The following ATG4A variants were observed in gnomAD, a reference collection of about 807,000 sequenced individuals.
The protein encoded by ATG4A is cysteine protease ATG4A.
In ATG4A, 22 loss-of-function variants were observed where a neutral mutation model predicts 38.4. The observed-to-expected ratio is 0.57, with a 90% CI of 0.41 to 0.82. The LOEUF (loss-of-function observed/expected upper bound fraction) is 0.82. Ranked by LOEUF, ATG4A falls within the 40% of genes least tolerant of loss-of-function variation. The probability of loss-of-function intolerance (pLI) is 0.00; values close to 1 mark genes in which losing one functional copy is unlikely to be tolerated. For synonymous variants in ATG4A, 86 were observed against 100.7 expected (o/e 0.85, Z 0.88); for missense variants, 220 against 290.0 (o/e 0.76, Z 1.75).
chrX:108,091,841 G>A lies in ATG4A; in HGVS notation c.10+5G>A, dbSNP rs749859498. On this transcript the variant is annotated splice_donor_5th_base_variant and intron_variant, in intron 1 of 12. Coordinates refer to ENST00000372232, the MANE Select transcript of ATG4A (RefSeq NM_052936.5). ...ACAGCTGGAGAATGGAGTCAGGTACGGGGAGCGGCTTTGAGTGGAACCGTG... is the reference window on the plus strand; with the variant it reads ...ACAGCTGGAGAATGGAGTCAGGTACAGGGAGCGGCTTTGAGTGGAACCGTG... 8.3e-7 allele frequency: 1 copy of A among 1,209,706 alleles called. No individual in the cohort carries two copies. Among genetic ancestry groups the A allele is most frequent in the Admixed American group, 2.2e-5 (1 of 45,791 alleles).
rs111960707 is a variant in ATG4A at position 108,113,591 on chromosome X, A to G, written c.11-12486A>G. On this transcript the variant is annotated intron_variant, in intron 1 of 12. Transcript: ENST00000372232. The stretch of plus-strand genomic sequence containing the variant: ...TTAGTCTGTTTTCATGCTGCTGATA[A>G]AGACATACCCGAGACTGCGAAGAAA... 1.5e-4 allele frequency among the ~76,000 whole-genome samples: 17 copies of G among 111,503 alleles called. No individual in the cohort carries two copies. In the East Asian group the frequency reaches 4.8e-3, roughly 31 times the overall value.
At chrX:108,147,979 T>C (rs1199858731) in intron 9 of ATG4A, among the ~76,000 whole-genome samples, 4 of 96,313 alleles carry the variant, frequency 4.2e-5, no homozygotes, top group African/African-American at 1.5e-4. Context: ...TACCAAAATC[T>C]GTATCAGTCA....
At chrX:108,128,675 A>ATGGT in intron 2 of ATG4A, 106 bp from the exon 3 acceptor site, 1 of 189,983 alleles carries the variant, frequency 5.3e-6, no homozygotes, top group Non-Finnish European at 1.0e-5. Context: ...GCCCCATAAT[A>ATGGT]ATGGAATTGA....
chrX:108,140,621 A>ATG (rs2033216002), intron 9 of ATG4A, among the ~76,000 whole-genome samples: 1 of 104,655 alleles, frequency 9.6e-6, no homozygotes, highest in African/African-American at 3.4e-5. Flanking sequence ...ATATATATAT[A>ATG]AAATGTATTA....
chrX:108,134,695 G>A (rs1351181055), intron 6 of ATG4A, among the ~76,000 whole-genome samples: 3 of 111,945 alleles, frequency 2.7e-5, no homozygotes, highest in Non-Finnish European at 5.6e-5. Context: ...TCATGTGCCT[G>A]GGAGCCATTG....
upstream of ATG4A, among the ~76,000 whole-genome samples, chrX:108,089,561 C>T (rs1290022343): frequency 1.8e-5 from 2 of 112,126 alleles, no homozygotes; most frequent in Non-Finnish European, 3.8e-5. Flanking sequence ...TGGCCGGGTG[C>T]GGTGGTTCAC....
intron 1 of ATG4A, among the ~76,000 whole-genome samples, chrX:108,108,601 A>T (rs1287254722): frequency 9.0e-6 from 1 of 110,991 alleles, no homozygotes; most frequent in Non-Finnish European, 1.9e-5. Flanking sequence ...GCTTTTTTTT[A>T]AATTGTGGTG....
chrX:108,109,115 C>A (rs1447430754), intron 1 of ATG4A, among the ~76,000 whole-genome samples: 3 of 111,922 alleles, frequency 2.7e-5, no homozygotes, highest in Non-Finnish European at 5.6e-5. Flanking sequence ...TACCATTTTA[C>A]AATCTCACCA....
intron 1 of ATG4A, among the ~76,000 whole-genome samples, chrX:108,111,662 C>T (rs1162059892): frequency 9.0e-6 from 1 of 111,673 alleles, no homozygotes; most frequent in African/African-American, 3.3e-5. Flanking sequence ...CTTTTCTGGC[C>T]TCCTATAACA....
chrX:108,137,032 GT>G, intron 6 of ATG4A, 58 bp from the exon 7 acceptor site: 2 of 1,025,096 alleles, frequency 2.0e-6, no homozygotes, highest in Non-Finnish European at 2.7e-6. Context: ...AAATTGTACT[GT>G]TTTCTGCTGA....
chrX:108,093,355 A>C (rs1455271473), intron 1 of ATG4A, among the ~76,000 whole-genome samples: 3 of 112,145 alleles, frequency 2.7e-5, no homozygotes, highest in African/African-American at 9.7e-5. Flanking sequence ...ACTTAGCATA[A>C]TATTTTTGAG....
rs758934021 is a variant in ATG4A at position 108,125,493 on chromosome X, G to A, written c.11-584G>A. ...AGTCATCTGTGAATTCCAAGAACAA[G>A]TTATGTTTACTGTTAACTTCAAGAT... is the stretch of plus-strand genomic sequence containing the variant. On this transcript the variant is annotated intron_variant, in intron 1 of 12. Coordinates refer to ENST00000372232, the MANE Select transcript of ATG4A (RefSeq NM_052936.5). 1.5e-4 allele frequency among the ~76,000 whole-genome samples: 17 copies of A among 112,533 alleles called. 1 individual carries two copies. The highest frequency in any genetic ancestry group is 1.3e-3 in the Admixed American group (14 of 10,624).
chrX:108,093,646 G>T (rs903410826), intron 1 of ATG4A, among the ~76,000 whole-genome samples: 5 of 112,009 alleles, frequency 4.5e-5, no homozygotes, highest in Non-Finnish European at 7.5e-5. Context: ...CTGCAAAACT[G>T]TTTTCCAAAA....
chrX:108,128,085 C>G (rs746435798), intron 2 of ATG4A, among the ~76,000 whole-genome samples: 2 of 112,162 alleles, frequency 1.8e-5, no homozygotes, highest in South Asian at 7.5e-4. Flanking sequence ...CACATGCATC[C>G]ACACAAACAA....
At chrX:108,145,042 A>G (rs2033389801) in intron 9 of ATG4A, among the ~76,000 whole-genome samples, 1 of 112,118 alleles carries the variant, frequency 8.9e-6, no homozygotes, top group African/African-American at 3.2e-5. Flanking sequence ...CAATTGCAGC[A>G]ACTTATCCTT....
intron 3 of ATG4A, among the ~76,000 whole-genome samples, chrX:108,129,923 A>G (rs2032912512): frequency 9.3e-6 from 1 of 107,581 alleles, no homozygotes; most frequent in South Asian, 4.3e-4. Context: ...AGTCACTAAC[A>G]AACAAAAGAA....
At chrX:108,145,409 A>G (rs1198241838) in intron 9 of ATG4A, among the ~76,000 whole-genome samples, 1 of 112,815 alleles carries the variant, frequency 8.9e-6, no homozygotes, top group Non-Finnish European at 1.9e-5. Flanking sequence ...AATGGACAAA[A>G]AGGCATTTGC....
At chrX:108,115,118 C>T (rs866186098) in intron 1 of ATG4A, among the ~76,000 whole-genome samples, 1 of 90,187 alleles carries the variant, frequency 1.1e-5, no homozygotes, top group South Asian at 5.5e-4. Context: ...TGCATGTATG[C>T]GTGTGTGTGT....
At chrX:108,151,897 T>C in intron 11 of ATG4A, 39 bp downstream of exon 11, 1 of 1,107,678 alleles carries the variant, frequency 9.0e-7, no homozygotes, top group East Asian at 3.0e-5. Flanking sequence ...AAAATGAAGT[T>C]ACCCAATTTT....
Sources: allele counts gnomAD v4.1 joint callset (sites outside exome capture counted in the v4.1 genomes callset), GRCh38; gene constraint gnomAD v4.1.1; transcripts MANE v1.5; gene names NCBI Gene and HGNC (gene_info 2026-07-23, HGNC 2026-07-21).